Variants in CNTN5 observed in about 807,000 individuals in gnomAD.
The protein encoded by CNTN5 is contactin 5, also known as contactin-5.
CNTN5 carries 77 observed loss-of-function variants against 129.1 expected under a neutral mutation model. The ratio of observed to expected loss-of-function variants is 0.60; its 90% confidence interval spans 0.50 to 0.72. The LOEUF (loss-of-function observed/expected upper bound fraction) is 0.72, where lower values mean the gene tolerates loss of function less well. Among genes scored for constraint, CNTN5 ranks in the 30% least tolerant of loss-of-function variants. CNTN5 has a pLI of 0.00. For missense variants in CNTN5, 1,478 were observed against 1,328.8 expected, an observed-to-expected ratio of 1.11 and a Z score of -1.75; for synonymous variants, 509 against 465.6, an observed-to-expected ratio of 1.09 and a Z score of -1.20.
At chr11:100,189,211 A>T (rs1948395307) in intron 13 of CNTN5, among the ~76,000 whole-genome samples, 1 of 151,808 alleles carries the variant, frequency 6.6e-6, no homozygotes, top group African/African-American at 2.4e-5. Context: ...AAACCTGCCC[A>T]TGTATCCCCT....
At chr11:99,715,201 A>G (rs561776288) in intron 3 of CNTN5, among the ~76,000 whole-genome samples, 3 of 152,158 alleles carry the variant, frequency 2.0e-5, no homozygotes, top group South Asian at 4.1e-4. Context: ...TGAATAAAAG[A>G]GAGTGAAATA....
intron 1 of CNTN5, among the ~76,000 whole-genome samples, chr11:99,037,727 G>A (rs777801766): frequency 2.0e-5 from 3 of 151,278 alleles, no homozygotes; most frequent in Non-Finnish European, 2.9e-5. Context: ...TTACAAGCAC[G>A]CCCCACCACG....
intron 2 of CNTN5, among the ~76,000 whole-genome samples, chr11:99,541,179 A>T (rs1948094445): frequency 6.6e-6 from 1 of 152,160 alleles, no homozygotes; most frequent in Non-Finnish European, 1.5e-5. Flanking sequence ...TGAGCAGTAC[A>T]CTAGCTGACT....
rs1565340632 is a variant in CNTN5 at position 100,204,338 on chromosome 11, ATATAT to A, written c.1884+10676_1884+10680del. On this transcript the variant is annotated intron_variant, in intron 15 of 24. Transcript: ENST00000524871. The stretch of plus-strand genomic sequence containing the variant: ...TATATATATATATATATATATATAT[ATATAT>A]AATTATAGGCAGACAGATAGATATA... Among the ~76,000 whole-genome samples the A allele has an allele frequency of 1.8e-4, 21 of 114,708 alleles. 1 individual carries two copies. Among genetic ancestry groups the A allele is most frequent in the African/African-American group, 7.3e-4 (21 of 28,936 alleles). 75.3% of individuals were successfully genotyped at this position (114,708 alleles called of 152,430 possible). A position where few individuals can be genotyped will look rare whatever the true frequency, so the allele number is the denominator to read the frequency against.
intron 16 of CNTN5, among the ~76,000 whole-genome samples, chr11:100,237,188 CAAAAAA>C (rs397977189): frequency 1.4e-5 from 1 of 71,108 alleles, no homozygotes; most frequent in African/African-American, 4.9e-5. Context: ...GACTCCGTCT[CAAAAAA>C]AAAAAAAAAA....
intron 1 of CNTN5, among the ~76,000 whole-genome samples, chr11:99,202,972 AAAAG>A (rs1645243827): frequency 6.6e-6 from 1 of 151,894 alleles, no homozygotes; most frequent in African/African-American, 2.4e-5. Flanking sequence ...AAGAAGAGAG[AAAAG>A]AATGAATGAA....
chr11:99,908,979 G>A (rs1299309454), intron 6 of CNTN5, among the ~76,000 whole-genome samples: 1 of 151,962 alleles, frequency 6.6e-6, no homozygotes, highest in African/African-American at 2.4e-5. Flanking sequence ...TATATAACCA[G>A]AGAAAAAACG....
intron 7 of CNTN5, among the ~76,000 whole-genome samples, chr11:99,937,724 G>C (rs1474971615): frequency 6.6e-6 from 1 of 152,184 alleles, no homozygotes; most frequent in East Asian, 1.9e-4. Flanking sequence ...AGCAGCTGCA[G>C]CTCGAAGCTT....
At chr11:100,196,097 CT>C (rs1367367328) in intron 15 of CNTN5, among the ~76,000 whole-genome samples, 1 of 151,804 alleles carries the variant, frequency 6.6e-6, no homozygotes, top group Non-Finnish European at 1.5e-5. Flanking sequence ...AAAGGATCTC[CT>C]AAGGTGTCTA....
intron 1 of CNTN5, among the ~76,000 whole-genome samples, chr11:99,272,576 C>A (rs1863226595): frequency 6.6e-6 from 1 of 151,560 alleles, no homozygotes; most frequent in Admixed American, 6.6e-5. Context: ...TATATTTTAC[C>A]TAAATTAAGT....
rs1405953430 is a variant in CNTN5, at chr11:100,357,624, G to A, written c.*1404G>A. ...CCAGAGAAGAGCCTGGAGAAACTATGGTTTTATAGGCGATGTTAACAAGAG... is the reference window on the plus strand; with the variant it reads ...CCAGAGAAGAGCCTGGAGAAACTATAGTTTTATAGGCGATGTTAACAAGAG... On this transcript the variant is annotated 3_prime_UTR_variant, in exon 25 of 25. Coordinates refer to ENST00000524871, the MANE Select transcript of CNTN5 (RefSeq NM_014361.4). 1 of 151,580 alleles carries A rather than the reference G, an allele frequency of 6.6e-6. No homozygotes were observed. The highest frequency in any genetic ancestry group is 6.6e-5 in the Admixed American group (1 of 15,176). The allele number at this position is 151,580 out of a possible 1,614,324, so 9.4% of individuals were successfully genotyped here.
intron 15 of CNTN5, among the ~76,000 whole-genome samples, chr11:100,218,109 C>T (rs1198834501): frequency 6.6e-6 from 1 of 152,136 alleles, no homozygotes; most frequent in Non-Finnish European, 1.5e-5. Flanking sequence ...CGTCAATGAG[C>T]TTTGTATTTG....
intron 1 of CNTN5, among the ~76,000 whole-genome samples, chr11:99,256,318 G>C (rs566939007): frequency 4.6e-5 from 7 of 152,038 alleles, no homozygotes; most frequent in African/African-American, 1.7e-4. Flanking sequence ...TGGTCTTACT[G>C]TACAATTTCT....
chr11:99,962,913 G>C, intron 8 of CNTN5, among the ~76,000 whole-genome samples: 1 of 150,662 alleles, frequency 6.6e-6, no homozygotes, highest in Non-Finnish European at 1.5e-5. Flanking sequence ...GGCCAGTGAT[G>C]ATGAGCATTT....
At chr11:99,139,101 A>C (rs866227227) in intron 1 of CNTN5, among the ~76,000 whole-genome samples, 673 of 128,772 alleles carry the variant, frequency 5.2e-3, no homozygotes, top group Non-Finnish European at 8.0e-3. Flanking sequence ...CCCCCTCCCC[A>C]CCCCCCCCCC....
intron 1 of CNTN5, among the ~76,000 whole-genome samples, chr11:99,122,310 T>C (rs1858382818): frequency 6.6e-6 from 1 of 152,160 alleles, no homozygotes; most frequent in Non-Finnish European, 1.5e-5. Flanking sequence ...ATAAAACCAT[T>C]CAATGAGTAC....
intron 3 of CNTN5, among the ~76,000 whole-genome samples, chr11:99,674,805 G>C (rs779492204): frequency 6.6e-6 from 1 of 152,042 alleles, no homozygotes; most frequent in Non-Finnish European, 1.5e-5. Flanking sequence ...CCAGTGAATT[G>C]ACAGCAACCT....
rs189270052 is a variant in CNTN5, at chr11:100,005,456, A to G, written c.980+3320A>G. On this transcript the variant is annotated intron_variant, in intron 9 of 24. Coordinates refer to ENST00000524871, the MANE Select transcript of CNTN5 (RefSeq NM_014361.4). Reference sequence around the variant, plus strand: ...AACTCTCTTTTTTATTTTTGTGGTAAGAACACTTATCATGACATCTACCTT... The same window carrying G: ...AACTCTCTTTTTTATTTTTGTGGTAGGAACACTTATCATGACATCTACCTT... Among the ~76,000 whole-genome samples the G allele has an allele frequency of 2.3e-3, 355 of 152,256 alleles. 2 individuals carry two copies. Among genetic ancestry groups the G allele is most frequent in the Non-Finnish European group, 1.6e-3 (109 of 68,018 alleles).
chr11:99,633,871 G>T (rs1951453377), intron 3 of CNTN5, among the ~76,000 whole-genome samples: 3 of 152,156 alleles, frequency 2.0e-5, no homozygotes, highest in African/African-American at 7.2e-5. Context: ...GGCCTGGAAG[G>T]AGCATGACCC....
Sources: gnomAD v4.1 joint callset for allele counts (sites outside exome capture counted in the v4.1 genomes callset) on GRCh38, gnomAD v4.1.1 for gene constraint, MANE v1.5 for transcripts, NCBI Gene and HGNC (gene_info 2026-07-23, HGNC 2026-07-21) for gene names.